Variants in EXT2 observed in about 807,000 individuals in gnomAD.
EXT2 encodes exostosin glycosyltransferase 2.
Under a neutral mutation model 81.6 loss-of-function variants are expected in EXT2, and 53 were observed. The observed-to-expected ratio is 0.65, with a 90% confidence interval of 0.52 to 0.82. The LOEUF is 0.82. Ranked by LOEUF, EXT2 falls within the 40% of genes least tolerant of loss-of-function variation. The probability of loss-of-function intolerance (pLI) is 0.00; values close to 1 mark genes in which losing one functional copy is unlikely to be tolerated. For synonymous variants in EXT2, 320 were observed against 340.0 expected, an observed-to-expected ratio of 0.94 and a Z score of 0.65; for missense variants, 774 against 910.2, an observed-to-expected ratio of 0.85 and a Z score of 1.93.
chr11:44,152,603 G>A (rs751740454), intron 7 of EXT2, among the ~76,000 whole-genome samples: 2 of 152,040 alleles, frequency 1.3e-5, no homozygotes, highest in Admixed American at 6.5e-5. Flanking sequence ...TGCCCTCCTC[G>A]CCTTCCCAAA....
At chr11:44,207,034 G>C in intron 10 of EXT2, 75 bp downstream of exon 10, 2 of 1,489,542 alleles carry the variant, frequency 1.3e-6, no homozygotes, top group Admixed American at 3.4e-5. Flanking sequence ...CTAAAAAAGA[G>C]TATTATATTT....
chr11:44,172,875 C>T (rs146951723), intron 8 of EXT2, among the ~76,000 whole-genome samples: 4 of 152,224 alleles, frequency 2.6e-5, no homozygotes, highest in East Asian at 1.9e-4. Context: ...TGCCAGGCCC[C>T]GATTCTACCT....
chr11:44,153,193 C>T (rs1218880253), intron 7 of EXT2, among the ~76,000 whole-genome samples: 1 of 152,162 alleles, frequency 6.6e-6, no homozygotes, highest in Admixed American at 6.5e-5. Flanking sequence ...TGATATCTTT[C>T]ATCAGAGTTT....
intron 7 of EXT2, among the ~76,000 whole-genome samples, chr11:44,153,686 T>G (rs887954128): frequency 1.3e-5 from 2 of 152,094 alleles, no homozygotes; most frequent in African/African-American, 4.8e-5. Context: ...GGAAATTTCC[T>G]TCTATTCCTA....
chr11:44,193,965 G>A (rs1369038408), intron 8 of EXT2, among the ~76,000 whole-genome samples: 3 of 152,182 alleles, frequency 2.0e-5, no homozygotes, highest in Non-Finnish European at 2.9e-5. Flanking sequence ...CATGTGGGAT[G>A]AGACCCGATC....
intron 7 of EXT2, among the ~76,000 whole-genome samples, chr11:44,165,185 T>C (rs759308118): frequency 2.0e-5 from 3 of 152,182 alleles, no homozygotes; most frequent in Non-Finnish European, 2.9e-5. Context: ...GCCCACACTT[T>C]TAAGATAGAT....
chr11:44,135,805 G>A (rs7104597), intron 7 of EXT2, among the ~76,000 whole-genome samples: 138,280 of 152,278 alleles, frequency 0.91, 62,909 homozygotes, highest in East Asian at 0.99. Flanking sequence ...GAATTCCTCA[G>A]TTCAGAGAAG....
chr11:44,243,890 A>G (rs955319576), intron 13 of EXT2, among the ~76,000 whole-genome samples: 2 of 152,004 alleles, frequency 1.3e-5, no homozygotes, highest in Non-Finnish European at 2.9e-5. Context: ...CGTGGCCTCC[A>G]AGCAGCATCT....
intron 12 of EXT2, among the ~76,000 whole-genome samples, chr11:44,235,204 C>A (rs1955946899): frequency 6.7e-6 from 1 of 149,600 alleles, no homozygotes; most frequent in Non-Finnish European, 1.5e-5. Flanking sequence ...TTTAAAGGGA[C>A]CCTTCCCATC....
At chr11:44,097,246 T>C (rs1044579766) in intron 1 of EXT2, among the ~76,000 whole-genome samples, 15 of 152,252 alleles carry the variant, frequency 9.9e-5, no homozygotes, top group African/African-American at 3.1e-4. Context: ...ATATTAATTA[T>C]GTAATGACAC....
chr11:44,171,700 T>C lies in EXT2; in HGVS notation c.1263T>C (p.Tyr421=). The change falls in exon 8 of 14, where the codon TAT becomes TAC. Residue 421 remains tyrosine, a synonymous_variant. Coordinates refer to ENST00000533608, the MANE Select transcript of EXT2 (RefSeq NM_207122.2). The part of the protein sequence containing the change: ...LQIINDRIYP[Y]AAISYEEWND... The stretch of plus-strand genomic sequence containing the variant: ...TTATCAATGACCGGATCTATCCATA[T>C]GCTGCCATCTCCTATGAAGAATGGA... 6.2e-7 allele frequency: 1 copy of C among 1,614,106 alleles called. No homozygotes were observed. Among genetic ancestry groups the C allele is most frequent in the East Asian group, 2.2e-5 (1 of 44,884 alleles).
intron 8 of EXT2, among the ~76,000 whole-genome samples, chr11:44,183,071 G>A (rs1206647402): frequency 1.3e-5 from 2 of 152,172 alleles, no homozygotes; most frequent in Non-Finnish European, 2.9e-5. Context: ...TGCATGATGA[G>A]ATTCAAATTA....
At chr11:44,228,347 A>G (rs1325737265) in intron 10 of EXT2, among the ~76,000 whole-genome samples, 1 of 152,228 alleles carries the variant, frequency 6.6e-6, no homozygotes, top group African/African-American at 2.4e-5. Flanking sequence ...TAATGACAAA[A>G]GGCTTACCCA....
At position 44,150,067 on chromosome 11, in the gene EXT2, G is replaced by GC. The variant is rs893352125; in HGVS notation, c.1173+19931dup. Reference sequence around the variant, plus strand: ...AACATGGCCTGGAAGATTGTGTAGAGCCTTTTTTTTCCTCAGCACCAGGGA... The same window carrying GC: ...AACATGGCCTGGAAGATTGTGTAGAGCCCTTTTTTTTCCTCAGCACCAGGGA... On this transcript the variant is annotated intron_variant, in intron 7 of 13. Coordinates refer to ENST00000533608, the MANE Select transcript of EXT2 (RefSeq NM_207122.2). Among the ~76,000 whole-genome samples the GC allele has an allele frequency of 1.4e-4, 22 of 151,822 alleles. 1 individual carries two copies. The highest frequency in any genetic ancestry group is 5.3e-4 in the African/African-American group (22 of 41,360).
intron 7 of EXT2, among the ~76,000 whole-genome samples, chr11:44,137,414 A>G (rs192488896): frequency 2.5e-4 from 35 of 141,446 alleles, no homozygotes; most frequent in East Asian, 1.5e-3. Flanking sequence ...GGCAAATACA[A>G]TTGAGTAGTA....
chr11:44,119,167 T>TACACAC (rs1437503267), intron 4 of EXT2, among the ~76,000 whole-genome samples: 109 of 44,062 alleles, frequency 2.5e-3, no homozygotes, highest in African/African-American at 6.4e-3. Flanking sequence ...TATATATATA[T>TACACAC]ATACACATAC....
intron 10 of EXT2, among the ~76,000 whole-genome samples, chr11:44,223,817 A>AT (rs1955808754): frequency 6.6e-6 from 1 of 151,912 alleles, no homozygotes; most frequent in South Asian, 2.1e-4. Context: ...GGCCCGGCTA[A>AT]TTTTTTTGAA....
intron 13 of EXT2, among the ~76,000 whole-genome samples, chr11:44,242,089 C>T (rs1956044076): frequency 6.6e-6 from 1 of 152,186 alleles, no homozygotes; most frequent in African/African-American, 2.4e-5. Context: ...GTCCTCAATA[C>T]TCTCTACAGG....
chr11:44,162,745 A>G (rs936851776), intron 7 of EXT2, among the ~76,000 whole-genome samples: 2 of 152,106 alleles, frequency 1.3e-5, no homozygotes, highest in Non-Finnish European at 2.9e-5. Flanking sequence ...TTCCTAAATT[A>G]CTGTCTTTAT....
Sources: gnomAD v4.1 joint callset for allele counts (sites outside exome capture counted in the v4.1 genomes callset) on GRCh38, gnomAD v4.1.1 for gene constraint, MANE v1.5 for transcripts, NCBI Gene and HGNC (gene_info 2026-07-23, HGNC 2026-07-21) for gene names.